The following SV2C variants were observed in gnomAD, a reference collection of about 807,000 sequenced individuals.
SV2C encodes synaptic vesicle glycoprotein 2C.
In SV2C, 49 loss-of-function variants were observed where a neutral mutation model predicts 79.7. The observed-to-expected ratio is 0.61, with a 90% CI of 0.49 to 0.78. The LOEUF is 0.78. SV2C is among the 30% of genes least tolerant of loss of function. SV2C has a pLI of 0.00. For missense variants in SV2C, 833 were observed against 912.9 expected, an observed-to-expected ratio of 0.91 and a Z score of 1.13; for synonymous variants, 334 against 333.2, an observed-to-expected ratio of 1.00 and a Z score of -0.03.
At chr5:75,995,576 AAAAC>A in the SV2C span, among the ~76,000 whole-genome samples, 2 of 152,164 alleles carry the variant, frequency 1.3e-5, no homozygotes, top group African/African-American at 2.4e-5. Context: ...TGAAGGAAGA[AAAAC>A]AAATAAGATA....
chr5:76,020,221 G>A, the SV2C span, among the ~76,000 whole-genome samples: 1 of 152,202 alleles, frequency 6.6e-6, no homozygotes, highest in Non-Finnish European at 1.5e-5. Context: ...GAAGGGAAGA[G>A]CAGGGGCTGT....
chr5:75,963,042 A>T, the SV2C span, among the ~76,000 whole-genome samples: 1 of 152,138 alleles, frequency 6.6e-6, no homozygotes, highest in Non-Finnish European at 1.5e-5. Flanking sequence ...ATAAAAAAAA[A>T]ATGTGTAAAA....
intron 12 of SV2C, among the ~76,000 whole-genome samples, chr5:76,312,612 G>A (rs1209379742): frequency 6.6e-6 from 1 of 152,214 alleles, no homozygotes; most frequent in African/African-American, 2.4e-5. Flanking sequence ...CACACCTTGT[G>A]AGATGCAGCC....
At chr5:76,288,501 G>A (rs372813538) in intron 6 of SV2C, among the ~76,000 whole-genome samples, 26 of 152,276 alleles carry the variant, frequency 1.7e-4, no homozygotes, top group Admixed American at 5.2e-4. Context: ...AGGATCATAA[G>A]GCTGGAAGAA....
the SV2C span, among the ~76,000 whole-genome samples, chr5:75,949,595 T>C: frequency 3.7e-4 from 57 of 152,138 alleles, no homozygotes; most frequent in Non-Finnish European, 6.2e-4. Flanking sequence ...ACTGTTCCCA[T>C]GGTGGTGAAT....
intron 12 of SV2C, among the ~76,000 whole-genome samples, chr5:76,317,414 A>G (rs1321373903): frequency 1.3e-5 from 2 of 151,808 alleles, no homozygotes; most frequent in Admixed American, 1.3e-4. Flanking sequence ...CCAAAAATTT[A>G]TTCTAGACAA....
the SV2C span, among the ~76,000 whole-genome samples, chr5:75,892,313 G>T: frequency 6.6e-6 from 1 of 151,734 alleles, no homozygotes; most frequent in African/African-American, 2.4e-5. Flanking sequence ...ACATGTATAC[G>T]ATGTGCAGTG....
chr5:75,971,497 G>T, the SV2C span, among the ~76,000 whole-genome samples: 715 of 152,150 alleles, frequency 4.7e-3, 3 homozygotes, highest in African/African-American at 0.016. Flanking sequence ...CAAAATCAAT[G>T]TGCAAAAATC....
At chr5:76,007,760 C>A in the SV2C span, among the ~76,000 whole-genome samples, 1 of 152,190 alleles carries the variant, frequency 6.6e-6, no homozygotes, top group Non-Finnish European at 1.5e-5. Context: ...ATTAATGAAA[C>A]TTTTAGGAGA....
the SV2C span, among the ~76,000 whole-genome samples, chr5:75,934,319 T>TTTTTTTTTTTTTTTC: frequency 6.8e-6 from 1 of 146,864 alleles, no homozygotes; most frequent in African/African-American, 2.6e-5. Flanking sequence ...TTTTTTTTTT[T>TTTTTTTTTTTTTTTC]CACTGTCGCT....
At chr5:76,265,591 A>G (rs889282187) in intron 4 of SV2C, among the ~76,000 whole-genome samples, 19 of 152,220 alleles carry the variant, frequency 1.2e-4, no homozygotes, top group African/African-American at 3.9e-4. Flanking sequence ...CTTGAAACCC[A>G]GGGCCGTGGT....
In SV2C at chr5:76,209,788, C is replaced by A. The variant is rs751358005; in HGVS notation, c.814C>A (p.Arg272=). 1 of 1,614,188 alleles carries A rather than the reference C, an allele frequency of 6.2e-7. No individual in the cohort carries two copies. Among genetic ancestry groups the A allele is most frequent in the East Asian group, 2.2e-5 (1 of 44,882 alleles). Residue 272 remains arginine (R), a synonymous_variant, in exon 4 of 13, where the codon CGG becomes AGG. Coordinates refer to ENST00000502798, the MANE Select transcript of SV2C (RefSeq NM_014979.4). ...VFSYFAEVLA[R]EKRGEHLSWL... is the part of the protein sequence containing the mutation. ...CTCGTACTTTGCTGAAGTCCTGGCC[C>A]GGGAAAAGCGGGGCGAACACTTGAG...
chr5:76,266,269 A>C (rs1279107861), intron 4 of SV2C, among the ~76,000 whole-genome samples: 1 of 152,094 alleles, frequency 6.6e-6, no homozygotes, highest in Admixed American at 6.5e-5. Context: ...GTGCAGTGGC[A>C]CAATCTCAGC....
the SV2C span, among the ~76,000 whole-genome samples, chr5:76,015,628 T>C: frequency 7.2e-5 from 11 of 152,152 alleles, no homozygotes; most frequent in African/African-American, 2.7e-4. Context: ...CCTTAATTCA[T>C]GTCATTTATC....
chr5:75,896,958 C>G, the SV2C span, among the ~76,000 whole-genome samples: 1 of 144,084 alleles, frequency 6.9e-6, no homozygotes, highest in Non-Finnish European at 1.5e-5. Context: ...ATTGTAGATT[C>G]TGGATATTAG....
chr5:76,077,807 G>C, the SV2C span, among the ~76,000 whole-genome samples: 5 of 152,148 alleles, frequency 3.3e-5, no homozygotes, highest in South Asian at 4.1e-4. Context: ...TGTGGATCTG[G>C]GTGTAGGCTT....
the SV2C span, among the ~76,000 whole-genome samples, chr5:75,875,294 G>T: frequency 6.6e-6 from 1 of 152,110 alleles, no homozygotes; most frequent in Admixed American, 6.6e-5. Context: ...ATGACCATCT[G>T]ATCCTCAACA....
chr5:75,932,204 G>A, the SV2C span, among the ~76,000 whole-genome samples: 1 of 152,150 alleles, frequency 6.6e-6, no homozygotes, highest in Non-Finnish European at 1.5e-5. Flanking sequence ...TTCTTCCCGG[G>A]GAGCCCTACA....
intron 4 of SV2C, among the ~76,000 whole-genome samples, chr5:76,245,170 C>A (rs1745906268): frequency 6.6e-6 from 1 of 152,124 alleles, no homozygotes; most frequent in Non-Finnish European, 1.5e-5. Context: ...ATTTGCATTT[C>A]CCCCGAGTTT....
Sources: allele counts gnomAD v4.1 joint callset (sites outside exome capture counted in the v4.1 genomes callset), GRCh38; gene constraint gnomAD v4.1.1; transcripts MANE v1.5; gene names NCBI Gene and HGNC (gene_info 2026-07-23, HGNC 2026-07-21).